Variants in PRKCB observed in about 807,000 individuals in gnomAD.
PRKCB encodes the protein protein kinase C beta type.
In PRKCB, 13 loss-of-function variants were observed where a neutral mutation model predicts 81.5. The observed-to-expected ratio is 0.16, with a 90% CI of 0.10 to 0.25. The LOEUF is 0.25. Ranked by LOEUF, PRKCB falls within the 10% of genes least tolerant of loss-of-function variation. PRKCB has a pLI of 1.00. For synonymous variants in PRKCB, 335 were observed against 321.4 expected (o/e 1.04, Z -0.45); for missense variants, 509 against 875.7 (o/e 0.58, Z 5.29).
At chr16:23,850,121 A>G (rs1256959886) in intron 2 of PRKCB, among the ~76,000 whole-genome samples, 1 of 152,130 alleles carries the variant, frequency 6.6e-6, no homozygotes, top group Non-Finnish European at 1.5e-5. Context: ...CTCCAGATTC[A>G]TGTATATTGT....
Position 24,123,761 on chromosome 16 carries a change from A to G in PRKCB, c.919-74A>G. 3 of 1,515,600 alleles carry G rather than the reference A, an allele frequency of 2.0e-6. No homozygotes were observed. In the African/African-American group the frequency reaches 4.1e-5, roughly 21 times the overall value. The allele number at this position is 1,515,600 out of a possible 1,614,324, so 93.9% of individuals were successfully genotyped here. ...GGAGCTGCAGGAACTACAGCTTCCC[A>G]TTGTGTGCCTGTGCCTTCCTACAAG... On this transcript the variant is annotated intron_variant, in intron 8 of 16. Transcript: ENST00000643927.
rs1968220406 is a variant in PRKCB, at chr16:24,215,933, T to C, written c.*1117T>C. ...TGCAAGATGTTTGTGGAAATGTTCA[T>C]TTGTATCTGGATCTCTGTTATGTGC... On this transcript the variant is annotated 3_prime_UTR_variant, in exon 17 of 17. Coordinates refer to ENST00000643927, the MANE Select transcript of PRKCB (RefSeq NM_002738.7). 2 of 985,030 alleles carry C rather than the reference T, an allele frequency of 2.0e-6. No individual in the cohort carries two copies. The highest frequency in any genetic ancestry group is 6.2e-5 in the Admixed American group (1 of 16,236). 61.0% of individuals were successfully genotyped at this position (985,030 alleles called of 1,614,324 possible). A position where few individuals can be genotyped will look rare whatever the true frequency, so the allele number is the denominator to read the frequency against.
chr16:24,094,379 A>G, intron 7 of PRKCB, 82 bp downstream of exon 7: 4 of 1,528,670 alleles, frequency 2.6e-6, no homozygotes, highest in South Asian at 2.5e-5. Flanking sequence ...TTTTTCTCCA[A>G]AAATTGAAAT....
chr16:23,844,856 C>T (rs186093566), intron 2 of PRKCB, among the ~76,000 whole-genome samples: 45 of 151,178 alleles, frequency 3.0e-4, no homozygotes, highest in South Asian at 1.9e-3. Flanking sequence ...GGCTGGAGTG[C>T]AGTAGTACGA....
chr16:23,975,058 C>G (rs909270168), intron 2 of PRKCB, among the ~76,000 whole-genome samples: 3 of 152,206 alleles, frequency 2.0e-5, no homozygotes, highest in African/African-American at 7.2e-5. Flanking sequence ...AAACAACATT[C>G]CAGCTACCAG....
Position 23,988,542 on chromosome 16 carries a change from A to G in PRKCB, c.240A>G (p.Glu80=). 6.2e-7 allele frequency: 1 copy of G among 1,613,802 alleles called. No homozygotes were observed. The highest frequency in any genetic ancestry group is 8.5e-7 in the Non-Finnish European group (1 of 1,179,942). Residue 80 remains glutamate (E), a synonymous_variant, in exon 3 of 17, where the codon GAA becomes GAG. Coordinates refer to ENST00000643927, the MANE Select transcript of PRKCB (RefSeq NM_002738.7). ...CCFVVHKRCH[E]FVTFSCPGAD... Reference sequence around the variant, plus strand: ...TTGTGGTGCACAAGCGGTGCCATGAATTTGTCACATTCTCCTGCCCTGGCG... The same window carrying G: ...TTGTGGTGCACAAGCGGTGCCATGAGTTTGTCACATTCTCCTGCCCTGGCG...
intron 3 of PRKCB, among the ~76,000 whole-genome samples, chr16:24,013,373 A>G (rs1427347585): frequency 6.6e-6 from 1 of 152,196 alleles, no homozygotes; most frequent in Non-Finnish European, 1.5e-5. Flanking sequence ...ATTTACTTAC[A>G]TGGTGACAAA....
intron 15 of PRKCB, among the ~76,000 whole-genome samples, chr16:24,188,129 T>C (rs1259842548): frequency 1.3e-5 from 2 of 152,196 alleles, no homozygotes; most frequent in African/African-American, 2.4e-5. Flanking sequence ...AATTAGCAGT[T>C]TCCCTGGTAG....
chr16:23,981,935 T>C (rs1319807027), intron 2 of PRKCB, among the ~76,000 whole-genome samples: 1 of 74,278 alleles, frequency 1.3e-5, no homozygotes, highest in Admixed American at 1.3e-4. Flanking sequence ...CCCTTCCCCT[T>C]CCCTTCCCTT....
At chr16:23,869,266 C>T (rs931613240) in intron 2 of PRKCB, 1 of 344,800 alleles carries the variant, frequency 2.9e-6, no homozygotes, top group Non-Finnish European at 6.0e-6. Context: ...CAAGAAAGGG[C>T]TGTTGCCTCA....
chr16:23,874,574 T>TTTG (rs1376937350), intron 2 of PRKCB, among the ~76,000 whole-genome samples: 1 of 151,640 alleles, frequency 6.6e-6, no homozygotes, highest in Non-Finnish European at 1.5e-5. Flanking sequence ...CTCTCTTTTT[T>TTTG]TTTTTTTTTG....
chr16:23,856,813 C>T (rs1275827661), intron 2 of PRKCB, among the ~76,000 whole-genome samples: 1 of 152,186 alleles, frequency 6.6e-6, no homozygotes, highest in Admixed American at 6.5e-5. Context: ...GCATGAGCCA[C>T]TACTCCTGGC....
At chr16:24,054,778 G>A (rs12325404) in intron 5 of PRKCB, among the ~76,000 whole-genome samples, 1,626 of 152,330 alleles carry the variant, frequency 0.011, 24 homozygotes, top group African/African-American at 0.036. Context: ...CAATTAGCAC[G>A]AATCGTTCTA....
At chr16:24,173,783 C>T (rs558040025) in intron 11 of PRKCB, among the ~76,000 whole-genome samples, 4 of 152,262 alleles carry the variant, frequency 2.6e-5, no homozygotes, top group East Asian at 3.9e-4. Context: ...ATTCCAGCTG[C>T]GCCATTCATT....
At chr16:23,901,370 G>A (rs1468369932) in intron 2 of PRKCB, among the ~76,000 whole-genome samples, 3 of 152,084 alleles carry the variant, frequency 2.0e-5, no homozygotes, top group South Asian at 2.1e-4. Context: ...CAACGGGGGC[G>A]CCTGCTGCTT....
At chr16:24,079,754 T>C (rs1247863517) in intron 5 of PRKCB, among the ~76,000 whole-genome samples, 1 of 152,216 alleles carries the variant, frequency 6.6e-6, no homozygotes, top group Non-Finnish European at 1.5e-5. Context: ...CGTTGATTGG[T>C]ACTTTCAGAA....
chr16:23,925,998 G>C (rs1963891615), intron 2 of PRKCB, among the ~76,000 whole-genome samples: 1 of 151,720 alleles, frequency 6.6e-6, no homozygotes, highest in African/African-American at 2.4e-5. Context: ...TTTCAGACTG[G>C]GCATGGTGGC....
chr16:24,122,405 C>T (rs1442004782), intron 8 of PRKCB, among the ~76,000 whole-genome samples: 1 of 147,208 alleles, frequency 6.8e-6, no homozygotes, highest in Non-Finnish European at 1.5e-5. Flanking sequence ...CTGATGTATT[C>T]TGGGCCACAC....
At position 23,866,522 on chromosome 16, in the gene PRKCB, ATAGAACTCTG is replaced by A. The variant is rs762429189; in HGVS notation, c.205+29120_205+29129del. ...ATTGTTTGTAAATTTGGTGTCTCTT[ATAGAACTCTG>A]TAGCATTCCAAAGTCTGAACTTTCT... On this transcript the variant is annotated intron_variant, in intron 2 of 16. Coordinates refer to ENST00000643927, the MANE Select transcript of PRKCB (RefSeq NM_002738.7). Among the ~76,000 whole-genome samples the A allele has an allele frequency of 1.6e-3, 251 of 152,312 alleles. 2 individuals carry two copies. The highest frequency in any genetic ancestry group is 3.1e-3 in the Non-Finnish European group (209 of 68,026).
Sources: gnomAD v4.1 joint callset for allele counts (sites outside exome capture counted in the v4.1 genomes callset) on GRCh38, gnomAD v4.1.1 for gene constraint, MANE v1.5 for transcripts, NCBI Gene and HGNC (gene_info 2026-07-23, HGNC 2026-07-21) for gene names.